Variants in GTF2IRD1 observed in about 807,000 individuals in gnomAD.
GTF2IRD1 encodes general transcription factor II-I repeat domain-containing protein 1.
Under a neutral mutation model 113.2 loss-of-function variants are expected in GTF2IRD1, and 26 were observed. The ratio of observed to expected loss-of-function variants is 0.23; its 90% CI spans 0.17 to 0.32. The LOEUF (loss-of-function observed/expected upper bound fraction) is 0.32. GTF2IRD1 is among the 10% of genes least tolerant of loss of function. GTF2IRD1 has a pLI of 1.00. For missense variants in GTF2IRD1, 864 were observed against 1,280.8 expected, an observed-to-expected ratio of 0.67 and a Z score of 4.97; for synonymous variants, 484 against 529.1, an observed-to-expected ratio of 0.91 and a Z score of 1.17.
intron 22 of GTF2IRD1, among the ~76,000 whole-genome samples, chr7:74,563,276 A>G (rs1459458403): frequency 6.6e-6 from 1 of 151,960 alleles, no homozygotes; most frequent in Non-Finnish European, 1.5e-5. Flanking sequence ...AGGGGGACAA[A>G]CCCTGTTAAG....
At chr7:74,498,222 C>T (rs996249073) in intron 1 of GTF2IRD1, among the ~76,000 whole-genome samples, 3 of 151,892 alleles carry the variant, frequency 2.0e-5, no homozygotes, top group East Asian at 3.9e-4. Flanking sequence ...AGGCTGGTCT[C>T]GAGCTCCTGG....
At chr7:74,553,336 G>A (rs1554355644) in intron 17 of GTF2IRD1, among the ~76,000 whole-genome samples, 1 of 151,852 alleles carries the variant, frequency 6.6e-6, no homozygotes, top group Non-Finnish European at 1.5e-5. Flanking sequence ...TTTAGCCCAG[G>A]CTGGAGTGTA....
intron 22 of GTF2IRD1, among the ~76,000 whole-genome samples, chr7:74,574,382 G>A (rs56352846): frequency 0.024 from 3,621 of 150,660 alleles, 68 homozygotes; most frequent in Non-Finnish European, 0.037. Context: ...GGCTTCAAGG[G>A]ATCTCACCGC....
At chr7:74,479,416 C>T (rs1214320312) in intron 1 of GTF2IRD1, among the ~76,000 whole-genome samples, 1 of 150,266 alleles carries the variant, frequency 6.7e-6, no homozygotes, top group Non-Finnish European at 1.5e-5. Flanking sequence ...GCGGCCCAGG[C>T]TGGCGGTTGG....
intron 1 of GTF2IRD1, among the ~76,000 whole-genome samples, chr7:74,490,577 A>C (rs1795285798): frequency 6.7e-6 from 1 of 150,018 alleles, no homozygotes; most frequent in East Asian, 2.0e-4. Context: ...AAGGGGAGAA[A>C]TTTCTTTTTT....
In GTF2IRD1 at chr7:74,555,513, G is replaced by A. The variant is rs782192483; in HGVS notation, c.2023+19G>A. Reference sequence around the variant, plus strand: ...TTTCAAGGTAAGGTTGAGCTCACGGGGAGGTCTGTTGTCCCAGCACCAGGA... The same window carrying A: ...TTTCAAGGTAAGGTTGAGCTCACGGAGAGGTCTGTTGTCCCAGCACCAGGA... On this transcript the variant is annotated intron_variant, in intron 19 of 26. Coordinates refer to ENST00000424337, the MANE Select transcript of GTF2IRD1 (RefSeq NM_005685.4). The surrounding 1 kb of genome is among the most constrained non-coding windows in gnomAD (Gnocchi z 5.3). The A allele has an allele frequency of 6.7e-6, 10 of 1,486,484 alleles. No homozygotes were observed. Among genetic ancestry groups the A allele is most frequent in the Admixed American group, 6.7e-5 (4 of 59,764 alleles). 92.1% of individuals were successfully genotyped at this position (1,486,484 alleles called of 1,614,324 possible).
chr7:74,513,625 G>A (rs541664990), intron 3 of GTF2IRD1, among the ~76,000 whole-genome samples: 8 of 152,232 alleles, frequency 5.3e-5, no homozygotes, highest in African/African-American at 1.9e-4. Flanking sequence ...AAGATTTATT[G>A]AATGCCTGCT....
intron 1 of GTF2IRD1, among the ~76,000 whole-genome samples, chr7:74,494,486 T>A (rs1159973531): frequency 6.6e-6 from 1 of 152,192 alleles, no homozygotes; most frequent in Non-Finnish European, 1.5e-5. Flanking sequence ...GTCTAGCGCC[T>A]TTGGGGACCT....
chr7:74,484,796 T>C (rs868979031), intron 1 of GTF2IRD1, among the ~76,000 whole-genome samples: 1 of 152,164 alleles, frequency 6.6e-6, no homozygotes, highest in Non-Finnish European at 1.5e-5. Context: ...TTCCATTGTA[T>C]GGATAGACTG....
chr7:74,454,730 C>T (rs2116823096), intron 1 of GTF2IRD1, among the ~76,000 whole-genome samples: 1 of 152,158 alleles, frequency 6.6e-6, no homozygotes, highest in Admixed American at 6.5e-5. Flanking sequence ...AGGGGGCTGG[C>T]CTGTGTGGTG....
At chr7:74,581,720 C>T (rs1276421097) in intron 22 of GTF2IRD1, among the ~76,000 whole-genome samples, 3 of 152,164 alleles carry the variant, frequency 2.0e-5, no homozygotes, top group African/African-American at 7.2e-5. Flanking sequence ...CCGAGATGCT[C>T]AGCTGGTCTG....
At chr7:74,520,842 CTATTATTAT>C (rs200488760) in intron 6 of GTF2IRD1, among the ~76,000 whole-genome samples, 21,118 of 128,896 alleles carry the variant, frequency 0.16, 1,768 homozygotes, top group Non-Finnish European at 0.18. Flanking sequence ...GTTATATATA[CTATTATTAT>C]TATTATTATT....
chr7:74,554,934 A>T (rs2130745868), intron 17 of GTF2IRD1, among the ~76,000 whole-genome samples: 1 of 152,232 alleles, frequency 6.6e-6, no homozygotes, highest in South Asian at 2.1e-4. Flanking sequence ...CTGGAGCAGG[A>T]GTGAGATATC....
intron 7 of GTF2IRD1, 135 bp downstream of exon 7, chr7:74,521,432 T>C: frequency 1.5e-6 from 1 of 666,832 alleles, no homozygotes; most frequent in African/African-American, 1.8e-5. Flanking sequence ...GGGCTGCAAG[T>C]AAACTGGGGT....
intron 3 of GTF2IRD1, among the ~76,000 whole-genome samples, chr7:74,513,679 C>T (rs541587399): frequency 1.2e-3 from 182 of 152,288 alleles, no homozygotes; most frequent in African/African-American, 4.3e-3. Flanking sequence ...ACCCTGACAT[C>T]AACCTGAGGG....
intron 17 of GTF2IRD1, among the ~76,000 whole-genome samples, chr7:74,549,609 A>G (rs1419644998): frequency 6.6e-6 from 1 of 152,152 alleles, no homozygotes; most frequent in African/African-American, 2.4e-5. Flanking sequence ...GCCAGGATGA[A>G]TGCAGCCACA....
At chr7:74,457,611 A>C (rs1404058224) in intron 1 of GTF2IRD1, among the ~76,000 whole-genome samples, 1 of 151,382 alleles carries the variant, frequency 6.6e-6, no homozygotes, top group Non-Finnish European at 1.5e-5. Flanking sequence ...CCCAACCTTA[A>C]CCCTGGGGGC....
In GTF2IRD1 at chr7:74,519,649, C is replaced by T. The variant is rs376496441; in HGVS notation, c.846C>T (p.Ser282=). 1.6e-4 allele frequency: 253 copies of T among 1,609,798 alleles called. 3 individuals are homozygous for T. In the South Asian group the frequency reaches 2.0e-3, roughly 13 times the overall value. Reference sequence around the variant, plus strand: ...CACCTTCCTGCCCCCTTGCCCCCAGCGACCTGGGCCTGAGTCGGCCCATGC... The same window carrying T: ...CACCTTCCTGCCCCCTTGCCCCCAGTGACCTGGGCCTGAGTCGGCCCATGC... The part of the protein sequence containing the change: ...QEAPSCPLAP[S]DLGLSRPMPE... Residue 282 remains serine (S), a synonymous_variant, in exon 6 of 27, where the codon AGC becomes AGT. Coordinates refer to ENST00000424337, the MANE Select transcript of GTF2IRD1 (RefSeq NM_005685.4).
chr7:74,594,089 C>T (rs587601631), intron 24 of GTF2IRD1, among the ~76,000 whole-genome samples: 1 of 151,944 alleles, frequency 6.6e-6, no homozygotes, highest in South Asian at 2.1e-4. Context: ...ATCCCAGCTA[C>T]TCGAGAGCCT....
Sources: gnomAD v4.1 joint callset for allele counts (sites outside exome capture counted in the v4.1 genomes callset) on GRCh38, gnomAD v4.1.1 for gene constraint, Gnocchi (gnomAD v3.1) non-coding constraint, MANE v1.5 for transcripts, NCBI Gene and HGNC (gene_info 2026-07-23, HGNC 2026-07-21) for gene names.